PIK3AP1: variants seen among roughly 807,000 people sequenced by gnomAD.
The protein encoded by PIK3AP1 is phosphoinositide-3-kinase adaptor protein 1, also known as phosphoinositide 3-kinase adapter protein 1.
A neutral mutation model predicts 88.1 loss-of-function variants in PIK3AP1; 21 were observed. The ratio of observed to expected loss-of-function variants is 0.24; its 90% CI spans 0.17 to 0.34. The LOEUF (loss-of-function observed/expected upper bound fraction) is 0.34, where lower values mean the gene tolerates loss of function less well. Ranked by LOEUF, PIK3AP1 falls within the 10% of genes least tolerant of loss-of-function variation. The pLI is 1.00. For synonymous variants in PIK3AP1, 398 were observed against 400.0 expected (o/e 1.00, Z 0.06); for missense variants, 828 against 1,035.7 (o/e 0.80, Z 2.75).
At chr10:96,641,641 A>G (rs1178338231) in intron 8 of PIK3AP1, among the ~76,000 whole-genome samples, 1 of 152,222 alleles carries the variant, frequency 6.6e-6, no homozygotes, top group East Asian at 1.9e-4. Flanking sequence ...CCTACATTCC[A>G]GTGGGACAGC....
chr10:96,599,962 C>G (rs1848857695), intron 16 of PIK3AP1, among the ~76,000 whole-genome samples: 1 of 152,048 alleles, frequency 6.6e-6, no homozygotes, highest in Non-Finnish European at 1.5e-5. Context: ...ACCTGTTTCC[C>G]CGGTTGTCTT....
In PIK3AP1 at chr10:96,620,550, G is replaced by A. The variant is rs150030424; in HGVS notation, c.1743C>T (p.Pro581=). 3.2e-5 allele frequency: 52 copies of A among 1,612,114 alleles called. No homozygotes were observed. Among genetic ancestry groups the A allele is most frequent in the South Asian group, 2.1e-4 (19 of 90,986 alleles). ...VSSESIRKGP[P]VRPWRDRPQS... is the part of the protein sequence containing the mutation. ...GGGGCCTGTCCCTCCATGGTCTGAC[G>A]GGCGGCCCTGGAAAGGATGGCAAAA... The change falls in exon 12 of 17, where the codon CCC becomes CCT. Residue 581 remains proline, a synonymous_variant. Transcript: ENST00000339364.
intron 2 of PIK3AP1, among the ~76,000 whole-genome samples, chr10:96,675,944 T>C (rs527756368): frequency 6.6e-6 from 1 of 152,320 alleles, no homozygotes; most frequent in East Asian, 1.9e-4. Flanking sequence ...CCTAAAACCA[T>C]AGTTTGGCAG....
chr10:96,631,942 C>T (rs1444392842), intron 8 of PIK3AP1, among the ~76,000 whole-genome samples: 1 of 151,728 alleles, frequency 6.6e-6, no homozygotes, highest in Admixed American at 6.6e-5. Flanking sequence ...AGAATGAGCA[C>T]CAGTAATGAG....
Position 96,709,937 on chromosome 10 carries a change from G to A in PIK3AP1, c.60C>T (p.Ala20=), listed in dbSNP as rs201085961. Residue 20 remains alanine (A), a synonymous_variant, in exon 2 of 17, where the codon GCC becomes GCT. Coordinates refer to ENST00000339364, the MANE Select transcript of PIK3AP1 (RefSeq NM_152309.3). ...TCTGCAGGTACTGGCACCATTCCTC[G>A]GCATCCGGGCTGTAGACGATGAGGA... ...CDILIVYSPD[A]EEWCQYLQTL... 2.0e-4 allele frequency: 319 copies of A among 1,604,992 alleles called. 2 individuals carry two copies. In the East Asian group the frequency reaches 6.6e-3, roughly 33 times the overall value.
At chr10:96,678,995 C>T (rs1162660088) in intron 2 of PIK3AP1, among the ~76,000 whole-genome samples, 1 of 152,216 alleles carries the variant, frequency 6.6e-6, no homozygotes, top group Non-Finnish European at 1.5e-5. Flanking sequence ...AAAGCTTCAT[C>T]TGAGTTATCA....
intron 8 of PIK3AP1, among the ~76,000 whole-genome samples, chr10:96,631,373 A>G (rs760102787): frequency 4.6e-5 from 7 of 152,198 alleles, no homozygotes; most frequent in Non-Finnish European, 8.8e-5. Flanking sequence ...ACAACGTTCA[A>G]TTTGAGAGAG....
At chr10:96,639,779 C>T (rs1289465370) in intron 8 of PIK3AP1, among the ~76,000 whole-genome samples, 1 of 152,168 alleles carries the variant, frequency 6.6e-6, no homozygotes, top group African/African-American at 2.4e-5. Flanking sequence ...AGAGCCTCAG[C>T]AGTCACAGGG....
intron 11 of PIK3AP1, among the ~76,000 whole-genome samples, chr10:96,621,938 T>C (rs755771283): frequency 4.6e-5 from 7 of 152,216 alleles, no homozygotes; most frequent in Non-Finnish European, 1.0e-4. Context: ...TGCCAAATGT[T>C]CTTTAGGGAG....
intron 6 of PIK3AP1, 78 bp downstream of exon 6, chr10:96,651,170 C>T (rs953304180): frequency 2.9e-5 from 46 of 1,564,524 alleles, no homozygotes; most frequent in South Asian, 2.1e-4. Flanking sequence ...AAGGTAAACG[C>T]GTATGTTGAT....
At chr10:96,623,104 A>C (rs1843108165) in intron 11 of PIK3AP1, among the ~76,000 whole-genome samples, 2 of 152,188 alleles carry the variant, frequency 1.3e-5, no homozygotes, top group Admixed American at 6.5e-5. Flanking sequence ...ACAGCATTGT[A>C]GGGGACCCTG....
At chr10:96,603,248 C>A (rs534921005) in intron 15 of PIK3AP1, among the ~76,000 whole-genome samples, 37 of 152,300 alleles carry the variant, frequency 2.4e-4, no homozygotes, top group Admixed American at 9.8e-4. Context: ...TGTTGTGCAG[C>A]CTCTATCTAG....
chr10:96,694,359 C>T (rs1037876119), intron 2 of PIK3AP1, among the ~76,000 whole-genome samples: 1 of 152,096 alleles, frequency 6.6e-6, no homozygotes, highest in Non-Finnish European at 1.5e-5. Context: ...CATAAATTTA[C>T]AGTCTCATCT....
chr10:96,712,912 C>T lies in PIK3AP1; in HGVS notation c.14-2929G>A, dbSNP rs113220261. ...TCATGTCAACAATTTGTGCAATAAG[C>T]AGAAGGAGAATAAAATCTCAGGAAG... On this transcript the variant is annotated intron_variant, in intron 1 of 16. Coordinates refer to ENST00000339364, the MANE Select transcript of PIK3AP1 (RefSeq NM_152309.3). Among the ~76,000 whole-genome samples, 99 of 152,304 alleles carry T rather than the reference C, an allele frequency of 6.5e-4. 1 individual carries two copies. The highest frequency in any genetic ancestry group is 2.3e-3 in the African/African-American group (95 of 41,560).
intron 2 of PIK3AP1, among the ~76,000 whole-genome samples, chr10:96,683,771 A>G (rs778647440): frequency 5.3e-5 from 8 of 152,268 alleles, no homozygotes; most frequent in Non-Finnish European, 7.3e-5. Flanking sequence ...TAATAAAGAT[A>G]AGTGACATAT....
chr10:96,656,843 T>C lies in PIK3AP1; in HGVS notation c.522A>G (p.Ser174=), dbSNP rs776181166. The change falls in exon 3 of 17, where the codon TCA becomes TCG. Residue 174 remains serine (S), a synonymous_variant. Transcript: ENST00000339364. Reference sequence around the variant, plus strand: ...GCTGCACCACCATCAGGTTCCCAGGTGAAGTCACCGTCGGCAGGTTCTGCT... The same window carrying C: ...GCTGCACCACCATCAGGTTCCCAGGCGAAGTCACCGTCGGCAGGTTCTGCT... ...SKQQNLPTVT[S]PGNLMVVQPD... is the part of the protein sequence containing the mutation. 6.2e-7 allele frequency: 1 copy of C among 1,613,882 alleles called. No homozygotes were observed. The highest frequency in any genetic ancestry group is 1.3e-5 in the African/African-American group (1 of 74,830).
intron 2 of PIK3AP1, among the ~76,000 whole-genome samples, chr10:96,662,852 G>A (rs1229424847): frequency 8.4e-6 from 1 of 118,994 alleles, no homozygotes; most frequent in Non-Finnish European, 1.6e-5. Flanking sequence ...ACTGCAGTCC[G>A]CAGTCCCGCC....
chr10:96,609,004 C>T (rs150423693), intron 14 of PIK3AP1, among the ~76,000 whole-genome samples: 6 of 152,316 alleles, frequency 3.9e-5, no homozygotes, highest in Non-Finnish European at 7.3e-5. Context: ...ACAAAGCCCT[C>T]GGCTCCTGCC....
intron 16 of PIK3AP1, among the ~76,000 whole-genome samples, chr10:96,601,463 G>T (rs1293319716): frequency 2.1e-4 from 7 of 33,902 alleles, no homozygotes; most frequent in African/African-American, 7.5e-4. Flanking sequence ...AACAGAACAA[G>T]AATCTATCTC....
Sources: gnomAD v4.1 joint callset for allele counts (sites outside exome capture counted in the v4.1 genomes callset) on GRCh38, gnomAD v4.1.1 for gene constraint, MANE v1.5 for transcripts, NCBI Gene and HGNC (gene_info 2026-07-23, HGNC 2026-07-21) for gene names.